MYH16: variants seen among roughly 807,000 people sequenced by gnomAD.
MYH16 encodes the protein putative uncharacterized protein MYH16.
exon 33 of MYH16, chr7:99,294,051 A>G (rs1253272167): frequency 4.4e-6 from 2 of 455,676 alleles, no homozygotes; most frequent in South Asian, 1.6e-5. Context: ...AGGAGGCAGA[A>G]GAAGCAGCTG....
At chr7:99,250,696 C>T (rs1331022733) in intron 5 of MYH16, among the ~76,000 whole-genome samples, 1 of 151,882 alleles carries the variant, frequency 6.6e-6, no homozygotes, top group Non-Finnish European at 1.5e-5. Flanking sequence ...AAGCCGAGAT[C>T]GTGCCACTGC....
chr7:99,244,290 C>A (rs748176611), intron 2 of MYH16, among the ~76,000 whole-genome samples: 25 of 152,364 alleles, frequency 1.6e-4, no homozygotes, highest in Non-Finnish European at 3.1e-4. Flanking sequence ...GGACAACCAA[C>A]TGCATCCTTG....
chr7:99,307,853 C>T (rs185995714), downstream of MYH16, among the ~76,000 whole-genome samples: 7 of 152,158 alleles, frequency 4.6e-5, no homozygotes, highest in South Asian at 2.1e-4. Flanking sequence ...GTAGCTAGGA[C>T]TACAGGTGCA....
intron 23 of MYH16, 137 bp from the exon 6 acceptor site, chr7:99,283,428 A>G (rs779119604): frequency 1.8e-5 from 7 of 380,580 alleles, no homozygotes; most frequent in Non-Finnish European, 3.7e-5. Context: ...GCAGGTGGTC[A>G]GTACCTACTC....
intron 31 of MYH16, among the ~76,000 whole-genome samples, 167 bp downstream of exon 12, chr7:99,291,617 A>ACCCCCCCCCCCCCCCCCCCC (rs34446113): frequency 2.0e-3 from 211 of 105,934 alleles, no homozygotes; most frequent in Admixed American, 3.6e-3. Flanking sequence ...ACACAGCAAG[A>ACCCCCCCCCCCCCCCCCCCC]CCCCCCCCCA....
chr7:99,273,452 G>A (rs191470737), intron 20 of MYH16, 29 bp downstream of exon 2: 3 of 456,416 alleles, frequency 6.6e-6, no homozygotes, highest in East Asian at 6.9e-5. Flanking sequence ...GGCCAGGGGG[G>A]ACTGCTGCTG....
intron 33 of MYH16, among the ~76,000 whole-genome samples, chr7:99,295,756 C>A (rs2150831852): frequency 6.6e-6 from 1 of 150,538 alleles, no homozygotes; most frequent in Admixed American, 6.7e-5. Context: ...TTGCTTAAGT[C>A]CAAGAGGCTG....
intron 15 of MYH16, among the ~76,000 whole-genome samples, chr7:99,264,566 G>C (rs1218421843): frequency 6.6e-6 from 1 of 152,240 alleles, no homozygotes; most frequent in Non-Finnish European, 1.5e-5. Context: ...TTGTGTCCTA[G>C]AGTTGGCTGG....
At chr7:99,308,293 TAAAAAAAA>T (rs10556699), downstream of MYH16, among the ~76,000 whole-genome samples, 13 of 40,192 alleles carry the variant, frequency 3.2e-4, no homozygotes, top group Non-Finnish European at 4.6e-4. Flanking sequence ...AGGCTCTGTC[TAAAAAAAA>T]AAAAAAAAAA....
chr7:99,261,548 G>A, exon 13 of MYH16: 1 of 155,034 alleles, frequency 6.5e-6, no homozygotes, highest in Non-Finnish European at 1.5e-5. Flanking sequence ...AACCACCTGG[G>A]CAAGTCCAGC....
rs555010850 is a variant in MYH16, at chr7:99,255,074, G to A, written n.893-508G>A. On this transcript the variant is annotated intron_variant and non_coding_transcript_variant, in intron 8 of 41. Coordinates refer to ENST00000439784, the Ensembl canonical transcript of MYH16. ...ATCTGAAGTCAGGAGTTCGAAACCA[G>A]CCTGGCCAACATGGCGAAACCCCAT... Among the ~76,000 whole-genome samples, 4 of 152,240 alleles carry A rather than the reference G, an allele frequency of 2.6e-5. No homozygotes were observed. The East Asian group carries it at 7.8e-4, about 30-fold the overall frequency.
intron 30 of MYH16, 88 bp from the exon 12 acceptor site, chr7:99,291,235 A>C: frequency 2.4e-6 from 1 of 410,264 alleles, no homozygotes; most frequent in Non-Finnish European, 4.9e-6. Flanking sequence ...TTTATTGGGT[A>C]CTTTAGGAGC....
intron 17 of MYH16, among the ~76,000 whole-genome samples, chr7:99,266,136 C>G (rs1020514789): frequency 2.0e-5 from 3 of 152,166 alleles, no homozygotes; most frequent in African/African-American, 7.2e-5. Context: ...CAAAAAAAAC[C>G]CCGATTGCTA....
chr7:99,283,642 G>A (rs1316748835), exon 24 of MYH16: 2 of 456,480 alleles, frequency 4.4e-6, no homozygotes, highest in Non-Finnish European at 8.8e-6. Flanking sequence ...TGAGCACGCA[G>A]ATCCATGAGG....
chr7:99,291,308 T>A lies in MYH16; in HGVS notation n.3825-15T>A, dbSNP rs1327407955. The A allele has an allele frequency of 2.6e-5, 12 of 454,940 alleles. No homozygotes were observed. Among genetic ancestry groups the A allele is most frequent in the Non-Finnish European group, 4.9e-5 (11 of 226,514 alleles). The allele number at this position is 454,940 out of a possible 1,614,324, so 28.2% of individuals were successfully genotyped here. ...GTTCTTCATCCAATATTTCTTCCATTTCCTTCTCACCCAGCTGAAAATAGT... is the reference window on the plus strand; with the variant it reads ...GTTCTTCATCCAATATTTCTTCCATATCCTTCTCACCCAGCTGAAAATAGT... On this transcript the variant is annotated splice_polypyrimidine_tract_variant and intron_variant and non_coding_transcript_variant, in intron 30 of 41. Coordinates refer to ENST00000439784, the Ensembl canonical transcript of MYH16.
At chr7:99,291,401 T>C (rs1206375501) in exon 31 of MYH16, 2 of 456,518 alleles carry the variant, frequency 4.4e-6, no homozygotes, top group Non-Finnish European at 8.8e-6. Context: ...AAGACATCTC[T>C]GACGTCACAA....
intron 4 of MYH16, among the ~76,000 whole-genome samples, chr7:99,249,573 T>G (rs1406751820): frequency 9.9e-4 from 106 of 106,708 alleles, no homozygotes; most frequent in African/African-American, 3.8e-3. Context: ...AAAAGTGCTG[T>G]TTTTTTTTTT....
At chr7:99,301,330 A>C (rs1792591987) in intron 37 of MYH16, among the ~76,000 whole-genome samples, 1 of 152,124 alleles carries the variant, frequency 6.6e-6, no homozygotes, top group Admixed American at 6.6e-5. Context: ...CTGTGCTGGG[A>C]ACACCAGGTG....
intron 21 of MYH16, among the ~76,000 whole-genome samples, chr7:99,279,004 C>A (rs1792157272): frequency 6.6e-6 from 1 of 152,072 alleles, no homozygotes. Context: ...CCAGCCTGGG[C>A]CACATAGTGA....
Sources: allele counts gnomAD v4.1 joint callset (sites outside exome capture counted in the v4.1 genomes callset), GRCh38; gene constraint gnomAD v4.1.1; transcripts MANE v1.5; gene names NCBI Gene and HGNC (gene_info 2026-07-23, HGNC 2026-07-21).